The following KSR1 variants were observed in gnomAD, a reference collection of about 807,000 sequenced individuals.
KSR1 encodes the protein kinase suppressor of ras 1.
A neutral mutation model predicts 92.9 loss-of-function variants in KSR1; 35 were observed. The ratio of observed to expected loss-of-function variants is 0.38; its 90% CI spans 0.29 to 0.50. The LOEUF is 0.50. Ranked by LOEUF, KSR1 falls within the 20% of genes least tolerant of loss-of-function variation. The pLI is 0.94. For missense variants in KSR1, 972 were observed against 1,158.5 expected (o/e 0.84, Z 2.34); for synonymous variants, 467 against 472.6 (o/e 0.99, Z 0.15).
At chr17:27,512,886 G>A (rs1330802877) in intron 1 of KSR1, among the ~76,000 whole-genome samples, 1 of 152,142 alleles carries the variant, frequency 6.6e-6, no homozygotes, top group Non-Finnish European at 1.5e-5. Context: ...ATCACAAAGT[G>A]AGTACCCTTG....
In KSR1 at chr17:27,588,555, A is replaced by AG. The variant is rs2073055624; in HGVS notation, c.1046+25dup. On this transcript the variant is annotated intron_variant, in intron 6 of 20. Transcript: ENST00000644974. Reference sequence around the variant, plus strand: ...GCACAGGTAGGCACAGCGGGCCTGGAGGGGGAGCAGGGCACAGCCGGGCTG... The same window carrying AG: ...GCACAGGTAGGCACAGCGGGCCTGGAGGGGGGAGCAGGGCACAGCCGGGCTG... 3 of 1,578,100 alleles carry AG rather than the reference A, an allele frequency of 1.9e-6. No individual in the cohort carries two copies. Among genetic ancestry groups the AG allele is most frequent in the South Asian group, 2.4e-5 (2 of 84,444 alleles).
At chr17:27,513,159 T>C (rs1263797620) in intron 1 of KSR1, among the ~76,000 whole-genome samples, 1 of 152,218 alleles carries the variant, frequency 6.6e-6, no homozygotes, top group Non-Finnish European at 1.5e-5. Context: ...TGTTGTGAAA[T>C]CTGTGCATTT....
chr17:27,483,062 C>CT (rs1230803105), intron 1 of KSR1, among the ~76,000 whole-genome samples: 1 of 152,176 alleles, frequency 6.6e-6, no homozygotes, highest in Admixed American at 6.5e-5. Flanking sequence ...GGCCTTGTCC[C>CT]TGGCTTAATG....
In KSR1 at chr17:27,537,558, G is replaced by A. The variant is rs117894317; in HGVS notation, c.232-13010G>A. On this transcript the variant is annotated intron_variant, in intron 1 of 20. Transcript: ENST00000644974. Reference sequence around the variant, plus strand: ...ATATAAAATTTAGCTGAGCGTGGTGGCGGGCACCTGTAATCGCAGCTACTT... The same window carrying A: ...ATATAAAATTTAGCTGAGCGTGGTGACGGGCACCTGTAATCGCAGCTACTT... Among the ~76,000 whole-genome samples, 936 of 152,262 alleles carry A rather than the reference G, an allele frequency of 6.1e-3. 2 individuals carry two copies. The highest frequency in any genetic ancestry group is 0.013 in the Admixed American group (202 of 15,284).
chr17:27,605,430 T>G lies in KSR1; in HGVS notation c.1615-4T>G, dbSNP rs1187125732. 1.9e-6 allele frequency: 3 copies of G among 1,607,924 alleles called. No homozygotes were observed. In the Admixed American group the frequency reaches 5.1e-5, roughly 27 times the overall value. On this transcript the variant is annotated splice_region_variant and splice_polypyrimidine_tract_variant and intron_variant, in intron 13 of 20. Coordinates refer to ENST00000644974, the MANE Select transcript of KSR1 (RefSeq NM_001394583.1). ...CATCCCTGTTCTTCCTGCTCTCCTT[T>G]CAGGCTGAGGAGCCAGAGGCTGGCA...
rs536492743 is a variant in KSR1 at position 27,456,718 on chromosome 17, C to G, written c.75C>G (p.Ala25=). 1 of 975,802 alleles carries G rather than the reference C, an allele frequency of 1.0e-6. No individual in the cohort carries two copies. The highest frequency in any genetic ancestry group is 1.6e-6 in the Non-Finnish European group (1 of 636,162). 60.4% of individuals were successfully genotyped at this position (975,802 alleles called of 1,614,324 possible). Residue 25 remains alanine, a synonymous_variant, in exon 1 of 21, where the codon GCC becomes GCG. Coordinates refer to ENST00000644974, the MANE Select transcript of KSR1 (RefSeq NM_001394583.1). The stretch of plus-strand genomic sequence containing the variant: ...GCGGTGGCGGGGGGGATGCGGCGGC[C>G]GCGGAGGGAGGCGCAGGGGCCGCGG... ...KEGGGGGDAA[A]AEGGAGAAAS...
chr17:27,475,085 G>A (rs1206713524), intron 1 of KSR1, among the ~76,000 whole-genome samples: 1 of 152,166 alleles, frequency 6.6e-6, no homozygotes, highest in African/African-American at 2.4e-5. Context: ...GGGTAGAGAA[G>A]GGCTCCATGG....
chr17:27,595,732 G>A (rs569023110), intron 9 of KSR1, among the ~76,000 whole-genome samples: 15 of 149,234 alleles, frequency 1.0e-4, no homozygotes, highest in Admixed American at 2.7e-4. Context: ...TTCTAGTGCA[G>A]CAGCCCTCCC....
In KSR1 at chr17:27,559,289, G is replaced by A. The variant is rs886181918; in HGVS notation, c.372+8581G>A. On this transcript the variant is annotated intron_variant, in intron 2 of 20. Transcript: ENST00000644974. The surrounding 1 kb of genome is among the most constrained non-coding windows in gnomAD (Gnocchi z 4.2). The stretch of plus-strand genomic sequence containing the variant: ...TCTGCGGCTCCGAGCCTGCTGCGGC[G>A]CTGCATGCCTGACCTTTGGTTCCTC... Among the ~76,000 whole-genome samples the A allele has an allele frequency of 2.0e-5, 3 of 152,200 alleles. No individual in the cohort carries two copies. Among genetic ancestry groups the A allele is most frequent in the Non-Finnish European group, 2.9e-5 (2 of 68,038 alleles).
intron 20 of KSR1, chr17:27,622,795 C>A (rs144803626): frequency 1.1e-5 from 2 of 180,598 alleles, no homozygotes; most frequent in Non-Finnish European, 2.3e-5. Flanking sequence ...GCACTGTTTA[C>A]CAAATGCAGG....
chr17:27,618,821 AAACT>A (rs1174931180), intron 19 of KSR1, among the ~76,000 whole-genome samples: 14 of 152,228 alleles, frequency 9.2e-5, no homozygotes, highest in African/African-American at 3.4e-4. Context: ...TACAATCTGC[AAACT>A]AAGAATAGTT....
chr17:27,480,437 G>A (rs1224269930), intron 1 of KSR1, among the ~76,000 whole-genome samples: 1 of 151,902 alleles, frequency 6.6e-6, no homozygotes, highest in Non-Finnish European at 1.5e-5. Context: ...TTGCTCTGTT[G>A]CCCAGGCTGG....
At chr17:27,526,098 C>CTTTCTTTCTTTCTTTCTT (rs1567792996) in intron 1 of KSR1, among the ~76,000 whole-genome samples, 5 of 14,282 alleles carry the variant, frequency 3.5e-4, no homozygotes, top group African/African-American at 1.2e-3. Context: ...CTTTCTTTCT[C>CTTTCTTTCTTTCTTTCTT]TCTCTCTCTC....
intron 1 of KSR1, among the ~76,000 whole-genome samples, chr17:27,474,166 G>T (rs1391204429): frequency 6.6e-6 from 1 of 152,220 alleles, no homozygotes; most frequent in African/African-American, 2.4e-5. Context: ...GCATCTAACA[G>T]CTTAGGCCAA....
chr17:27,548,331 C>T (rs2071263378), intron 1 of KSR1, among the ~76,000 whole-genome samples: 2 of 152,080 alleles, frequency 1.3e-5, no homozygotes, highest in Admixed American at 1.3e-4. Flanking sequence ...GGGTCTATGG[C>T]CCCAAACTGG....
intron 13 of KSR1, among the ~76,000 whole-genome samples, chr17:27,604,984 A>G (rs2073700425): frequency 6.6e-6 from 1 of 152,220 alleles, no homozygotes; most frequent in Non-Finnish European, 1.5e-5. Context: ...CCCTTGAACA[A>G]AAGTGTCAGC....
At chr17:27,594,640 T>A (rs556964552) in intron 9 of KSR1, among the ~76,000 whole-genome samples, 1 of 152,202 alleles carries the variant, frequency 6.6e-6, no homozygotes, top group Non-Finnish European at 1.5e-5. Flanking sequence ...GTTGCTATGA[T>A]AACATAAGCT....
At chr17:27,611,759 C>A (rs371040701) in intron 18 of KSR1, 130 bp downstream of exon 18, 2 of 1,059,094 alleles carry the variant, frequency 1.9e-6, no homozygotes, top group East Asian at 2.5e-5. Context: ...ACGTGTCTAG[C>A]TAGAGATGAA....
At chr17:27,525,613 T>A (rs770714888) in intron 1 of KSR1, among the ~76,000 whole-genome samples, 2 of 152,206 alleles carry the variant, frequency 1.3e-5, no homozygotes, top group Non-Finnish European at 1.5e-5. Context: ...TAGGAGAGGA[T>A]ACAGCTCTCC....
Sources: allele counts gnomAD v4.1 joint callset (sites outside exome capture counted in the v4.1 genomes callset), GRCh38; gene constraint gnomAD v4.1.1; non-coding constraint Gnocchi (gnomAD v3.1); transcripts MANE v1.5; gene names NCBI Gene and HGNC (gene_info 2026-07-23, HGNC 2026-07-21).